PAXIP1: variants seen among roughly 807,000 people sequenced by gnomAD.
PAXIP1 encodes PAX interacting protein 1.
Under a neutral mutation model 140.6 loss-of-function variants are expected in PAXIP1, and 19 were observed. The ratio of observed to expected loss-of-function variants is 0.14; its 90% CI spans 0.09 to 0.20. The LOEUF is 0.20. Ranked by LOEUF, PAXIP1 falls within the 10% of genes least tolerant of loss-of-function variation. The pLI is 1.00. For synonymous variants in PAXIP1, 442 were observed against 444.6 expected, an observed-to-expected ratio of 0.99 and a Z score of 0.07; for missense variants, 920 against 1,208.6, an observed-to-expected ratio of 0.76 and a Z score of 3.54.
At chr7:154,983,430 C>A in intron 4 of PAXIP1, 98 bp from the exon 5 acceptor site, 1 of 642,792 alleles carries the variant, frequency 1.6e-6, no homozygotes, top group Non-Finnish European at 2.7e-6. Context: ...TCTGTTTCTC[C>A]CTTAATAAAA....
chr7:154,943,864 C>G lies in PAXIP1; in HGVS notation c.*285G>C. The G allele has an allele frequency of 2.5e-6, 1 of 394,510 alleles. No individual in the cohort carries two copies. Among genetic ancestry groups the G allele is most frequent in the Non-Finnish European group, 4.7e-6 (1 of 213,062 alleles). The allele number at this position is 394,510 out of a possible 1,614,324, so 24.4% of individuals were successfully genotyped here. A position where few individuals can be genotyped will look rare whatever the true frequency, so the allele number is the denominator to read the frequency against. ...TTTATTTCTAGTTGAAGTCCCGTAA[C>G]AGTTTTGTGAAAACATTTAAAAACC... On this transcript the variant is annotated 3_prime_UTR_variant, in exon 21 of 21. Coordinates refer to ENST00000404141, the MANE Select transcript of PAXIP1 (RefSeq NM_007349.4).
chr7:154,977,034 C>A (rs139915570), intron 5 of PAXIP1, among the ~76,000 whole-genome samples: 1 of 152,122 alleles, frequency 6.6e-6, no homozygotes, highest in South Asian at 2.1e-4. Context: ...AGGAAAGCCC[C>A]GTTGAAAGGT....
chr7:154,968,592 G>A lies in PAXIP1; in HGVS notation c.1609C>T (p.Leu537Phe). Reference sequence around the variant, plus strand: ...TGCTGCTGCTGGTGCATGCGCTGGAGCTGCTGCTGCTGAATCTGCTGTTGC... The same window carrying A: ...TGCTGCTGCTGGTGCATGCGCTGGAACTGCTGCTGCTGAATCTGCTGTTGC... ...QQQQQIQQQQ[L>F]QRMHQQQQQQ... Residue 537 changes from leucine (L) to phenylalanine (F), a missense_variant, in exon 7 of 21, where the codon CTC (leucine) becomes TTC (phenylalanine). By Grantham distance (22) the Leu-to-Phe change is conservative (BLOSUM62 0). Coordinates refer to ENST00000404141, the MANE Select transcript of PAXIP1 (RefSeq NM_007349.4). The A allele has an allele frequency of 2.8e-6, 2 of 716,848 alleles. No individual in the cohort carries two copies. Among genetic ancestry groups the A allele is most frequent in the East Asian group, 2.7e-5 (1 of 37,218 alleles). The allele number at this position is 716,848 out of a possible 1,614,324, so 44.4% of individuals were successfully genotyped here. A position where few individuals can be genotyped will look rare whatever the true frequency, so the allele number is the denominator to read the frequency against.
chr7:155,003,320 A>G (rs928769708), upstream of PAXIP1: 5 of 151,640 alleles, frequency 3.3e-5, no homozygotes, highest in Admixed American at 2.6e-4. Flanking sequence ...GGCCCCGAGG[A>G]CGAGGGGAAA....
At position 154,983,128 on chromosome 7, in the gene PAXIP1, T is replaced by C. The variant is rs572338142; in HGVS notation, c.438+91A>G. The C allele has an allele frequency of 2.5e-5, 16 of 631,432 alleles. No homozygotes were observed. In the Admixed American group the frequency reaches 3.7e-4, roughly 15 times the overall value. 39.1% of individuals were successfully genotyped at this position (631,432 alleles called of 1,614,324 possible). A position where few individuals can be genotyped will look rare whatever the true frequency, so the allele number is the denominator to read the frequency against. ...ATCAGCTTTTGTAAATGAAATATAA[T>C]AACTAATTTAAAAGAAGCTCAAAAA... On this transcript the variant is annotated intron_variant, in intron 5 of 20. Coordinates refer to ENST00000404141, the MANE Select transcript of PAXIP1 (RefSeq NM_007349.4).
rs576671243 is a variant in PAXIP1, at chr7:154,954,446, G to A, written c.2653-23C>T. 6 of 1,460,708 alleles carry A rather than the reference G, an allele frequency of 4.1e-6. No individual in the cohort carries two copies. The South Asian group carries it at 4.3e-5, about 10-fold the overall frequency. 90.5% of individuals were successfully genotyped at this position (1,460,708 alleles called of 1,614,324 possible). ...CTTCTAAAGGTCACAAACACAGGTC[G>A]GAAATGAAAAAGTTCAGCATCCACA... On this transcript the variant is annotated intron_variant, in intron 15 of 20. Transcript: ENST00000404141. The surrounding 1 kb of genome is among the most constrained non-coding windows in gnomAD (Gnocchi z 5.1).
chr7:154,993,577 C>A, intron 3 of PAXIP1, 149 bp downstream of exon 3: 1 of 660,964 alleles, frequency 1.5e-6, no homozygotes, highest in Non-Finnish European at 2.6e-6. Context: ...AAATTTGAAA[C>A]AGGATGGAAA....
chr7:154,944,379 AC>A, intron 20 of PAXIP1: 1 of 435,412 alleles, frequency 2.3e-6, no homozygotes. Flanking sequence ...GGACATCAGC[AC>A]CTGTGCCAGC....
At position 154,956,353 on chromosome 7, in the gene PAXIP1, G is replaced by A. The variant is rs1808511663; in HGVS notation, c.2550-722C>T. The A allele has an allele frequency of 6.6e-6, 1 of 152,068 alleles. No individual in the cohort carries two copies. The highest frequency in any genetic ancestry group is 1.5e-5 in the Non-Finnish European group (1 of 68,028). The allele number at this position is 152,068 out of a possible 1,614,324, so 9.4% of individuals were successfully genotyped here. On this transcript the variant is annotated intron_variant, in intron 14 of 20. Transcript: ENST00000404141. The surrounding 1 kb of genome is among the most constrained non-coding windows in gnomAD (Gnocchi z 4.2). The stretch of plus-strand genomic sequence containing the variant: ...AAGTCAACAGTTCAGTTTGTGTTCT[G>A]GAAGTGGGGAATGGAAGGAGGGAAA...
intron 6 of PAXIP1, 110 bp from the exon 7 acceptor site, chr7:154,969,236 A>C (rs1049047603): frequency 4.4e-6 from 5 of 1,145,084 alleles, no homozygotes; most frequent in Non-Finnish European, 5.9e-6. Context: ...TATTCAACTA[A>C]GTAGACACAG....
intron 20 of PAXIP1, chr7:154,945,038 A>G (rs2150734241): frequency 7.1e-6 from 1 of 141,532 alleles, no homozygotes; most frequent in East Asian, 2.1e-4. Context: ...CCCAGGCTGT[A>G]GTGCAATGGC....
In PAXIP1 at chr7:154,996,168, C is replaced by T. The variant is rs572150748; in HGVS notation, c.217-2399G>A. ...ATTAGCAGCAGGATCCAAAATAAGA[C>T]AGGCCCATAAGGTTCAAACTAAGAA... On this transcript the variant is annotated intron_variant, in intron 2 of 20. Coordinates refer to ENST00000404141, the MANE Select transcript of PAXIP1 (RefSeq NM_007349.4). 1.4e-4 allele frequency among the ~76,000 whole-genome samples: 21 copies of T among 152,210 alleles called. 1 individual carries two copies. The highest frequency in any genetic ancestry group is 5.1e-4 in the African/African-American group (21 of 41,478).
In PAXIP1 at chr7:154,968,448, A is replaced by ATGG; in HGVS notation, c.1750_1752dup (p.Pro584dup). ...CCAAAAAGCTGATGCTGCTGAGGCG[A>ATGG]TGGTGGTGGCTGCTGTTGCTGCTGC... On this transcript the variant is annotated inframe_insertion, in exon 7 of 21. Transcript: ENST00000404141. The ATGG allele has an allele frequency of 6.6e-7, 1 of 1,520,798 alleles. No homozygotes were observed. Among genetic ancestry groups the ATGG allele is most frequent in the South Asian group, 1.2e-5 (1 of 83,380 alleles). 94.2% of individuals were successfully genotyped at this position (1,520,798 alleles called of 1,614,324 possible).
intron 2 of PAXIP1, among the ~76,000 whole-genome samples, chr7:154,995,325 A>G (rs1328894072): frequency 6.6e-6 from 1 of 152,188 alleles, no homozygotes; most frequent in African/African-American, 2.4e-5. Context: ...CACACAGCAT[A>G]CACGCTGAAT....
In PAXIP1 at chr7:154,955,593, G is replaced by A. The variant is rs777740237; in HGVS notation, c.2588C>T (p.Pro863Leu). The change falls in exon 15 of 21, where the codon CCA becomes CTA. Residue 863 changes from proline to leucine, a missense_variant. This residue lies in a region of PAXIP1 where 303 missense variants were observed against 517.9 expected (regional missense o/e 0.59). Coordinates refer to ENST00000404141, the MANE Select transcript of PAXIP1 (RefSeq NM_007349.4). ...GAAAAGCACAAAAGGGGTCAATTCT[G>A]GAGTTAGCTTTTTAGTGGGAGGTGG... Reference protein sequence around the residue: ...DVPPPTKKLTPELTPFVLFTG... With the variant: ...DVPPPTKKLTLELTPFVLFTG... The A allele has an allele frequency of 3.7e-6, 6 of 1,600,598 alleles. No homozygotes were observed. The highest frequency in any genetic ancestry group is 3.4e-5 in the South Asian group (3 of 88,470).
intron 16 of PAXIP1, chr7:154,950,324 A>G (rs775317947): frequency 7.2e-5 from 11 of 152,220 alleles, no homozygotes; most frequent in Non-Finnish European, 1.5e-4. Context: ...CAAAACTATG[A>G]AACTCCTAGA....
chr7:155,002,189 A>C (rs1284494212), intron 1 of PAXIP1: 2 of 152,290 alleles, frequency 1.3e-5, no homozygotes, highest in African/African-American at 2.4e-5. Flanking sequence ...CAAACTACAC[A>C]AAATTAAATG....
intron 4 of PAXIP1, among the ~76,000 whole-genome samples, chr7:154,988,904 G>T (rs1212977854): frequency 6.6e-6 from 1 of 152,142 alleles, no homozygotes; most frequent in Non-Finnish European, 1.5e-5. Context: ...CTGATAAGTT[G>T]ATTGTAAATT....
chr7:155,001,791 T>C (rs1810910112), intron 1 of PAXIP1: 1 of 152,200 alleles, frequency 6.6e-6, no homozygotes, highest in Non-Finnish European at 1.5e-5. Context: ...AACCCGGCCT[T>C]GAAGTCTCTT....
Sources: gnomAD v4.1 joint callset for allele counts (sites outside exome capture counted in the v4.1 genomes callset) on GRCh38, gnomAD v4.1.1 for gene constraint, gnomAD v4.1.1 regional missense constraint, Gnocchi (gnomAD v3.1) non-coding constraint, MANE v1.5 for transcripts, NCBI Gene and HGNC (gene_info 2026-07-23, HGNC 2026-07-21) for gene names.